The following SORCS1 variants were observed in gnomAD, a reference collection of about 807,000 sequenced individuals.
SORCS1 encodes VPS10 domain-containing receptor SorCS1.
Under a neutral mutation model 146.1 loss-of-function variants are expected in SORCS1, and 60 were observed. The observed-to-expected ratio is 0.41, with a 90% CI of 0.33 to 0.51. SORCS1 has a LOEUF of 0.51. Ranked by LOEUF, SORCS1 falls within the 20% of genes least tolerant of loss-of-function variation. SORCS1 has a pLI of 0.21. For synonymous variants in SORCS1, 637 were observed against 584.0 expected (o/e 1.09, Z -1.31); for missense variants, 1,352 against 1,487.6 (o/e 0.91, Z 1.50).
At chr10:106,583,554 T>A (rs1442501102) in intron 24 of SORCS1, among the ~76,000 whole-genome samples, 1 of 152,156 alleles carries the variant, frequency 6.6e-6, no homozygotes, top group Non-Finnish European at 1.5e-5. Flanking sequence ...TCACCCAGAC[T>A]GGAGTACAGT....
chr10:106,675,036 C>G lies in SORCS1; in HGVS notation c.1940+13G>C, dbSNP rs1014490560. The G allele has an allele frequency of 6.3e-7, 1 of 1,598,774 alleles. No individual in the cohort carries two copies. The highest frequency in any genetic ancestry group is 8.6e-7 in the Non-Finnish European group (1 of 1,166,964). On this transcript the variant is annotated intron_variant, in intron 14 of 25. Coordinates refer to ENST00000263054, the MANE Select transcript of SORCS1 (RefSeq NM_052918.5). ...TCTATGAAGGCTGGACCACATCATA[C>G]TTTTCAACTTACGTCATGATGAGAG...
At chr10:106,713,934 C>T (rs1056833272) in intron 6 of SORCS1, among the ~76,000 whole-genome samples, 2 of 151,766 alleles carry the variant, frequency 1.3e-5, no homozygotes, top group South Asian at 4.2e-4. Context: ...AAATGCAGGA[C>T]CAGCCTGACC....
intron 5 of SORCS1, among the ~76,000 whole-genome samples, chr10:106,737,147 C>A (rs1857010359): frequency 6.6e-6 from 1 of 151,902 alleles, no homozygotes; most frequent in Non-Finnish European, 1.5e-5. Flanking sequence ...CTCAGGAGAG[C>A]AGTGAGGAGA....
chr10:106,722,615 A>G (rs1436872880), intron 6 of SORCS1, among the ~76,000 whole-genome samples: 1 of 152,150 alleles, frequency 6.6e-6, no homozygotes, highest in Non-Finnish European at 1.5e-5. Flanking sequence ...ACTTGTTATG[A>G]GGTTACTTAT....
intron 1 of SORCS1, among the ~76,000 whole-genome samples, chr10:107,142,783 T>C (rs1967954091): frequency 6.6e-6 from 1 of 152,164 alleles, no homozygotes; most frequent in South Asian, 2.1e-4. Flanking sequence ...AGATAAGGCC[T>C]TGGTTATTGT....
intron 18 of SORCS1, among the ~76,000 whole-genome samples, chr10:106,644,367 T>C (rs901283731): frequency 6.6e-6 from 1 of 151,842 alleles, no homozygotes; most frequent in Admixed American, 6.6e-5. Flanking sequence ...ATAATAATAA[T>C]AATTATTATT....
intron 10 of SORCS1, among the ~76,000 whole-genome samples, chr10:106,683,313 T>G (rs1260359665): frequency 1.3e-5 from 2 of 152,234 alleles, no homozygotes; most frequent in African/African-American, 2.4e-5. Context: ...TGAAACATTG[T>G]ACCCTTTGAC....
chr10:106,614,393 C>T (rs568280332), intron 21 of SORCS1, among the ~76,000 whole-genome samples: 104 of 152,270 alleles, frequency 6.8e-4, no homozygotes, highest in African/African-American at 2.2e-3. Context: ...ACACATGTTT[C>T]GAAGACTCTG....
intron 19 of SORCS1, among the ~76,000 whole-genome samples, chr10:106,620,896 GTTGT>G: frequency 6.6e-6 from 1 of 152,188 alleles, no homozygotes; most frequent in South Asian, 2.1e-4. Context: ...TTTCCAAGAG[GTTGT>G]ATCCCTGGTG....
At chr10:107,147,777 A>G (rs1968456002) in intron 1 of SORCS1, among the ~76,000 whole-genome samples, 1 of 152,190 alleles carries the variant, frequency 6.6e-6, no homozygotes, top group Non-Finnish European at 1.5e-5. Context: ...ACTGGCATAT[A>G]AAAATAAATG....
intron 17 of SORCS1, among the ~76,000 whole-genome samples, chr10:106,655,686 A>C (rs1446908537): frequency 6.6e-6 from 1 of 151,964 alleles, no homozygotes; most frequent in Non-Finnish European, 1.5e-5. Context: ...CTCATTAAAA[A>C]CCATTCTGAA....
chr10:106,824,745 T>A (rs1948214799), intron 3 of SORCS1, among the ~76,000 whole-genome samples: 1 of 152,090 alleles, frequency 6.6e-6, no homozygotes, highest in Non-Finnish European at 1.5e-5. Flanking sequence ...AACTTAAACA[T>A]CTGGAGAAAA....
At chr10:106,839,809 G>A (rs1948945771) in intron 2 of SORCS1, among the ~76,000 whole-genome samples, 1 of 152,100 alleles carries the variant, frequency 6.6e-6, no homozygotes, top group African/African-American at 2.4e-5. Flanking sequence ...TGAAAATCCT[G>A]GAGTCCATAA....
At chr10:107,010,052 G>C (rs184049284) in intron 1 of SORCS1, among the ~76,000 whole-genome samples, 4 of 152,274 alleles carry the variant, frequency 2.6e-5, no homozygotes, top group Admixed American at 1.3e-4. Flanking sequence ...TATAGTCTCA[G>C]TTCTGAAAAA....
chr10:106,809,550 C>T (rs1947357726), intron 3 of SORCS1, among the ~76,000 whole-genome samples: 1 of 152,142 alleles, frequency 6.6e-6, no homozygotes, highest in Non-Finnish European at 1.5e-5. Context: ...GCTTTGGCAG[C>T]ACTGGGCAGA....
chr10:107,112,510 A>T (rs1434137542), intron 1 of SORCS1, among the ~76,000 whole-genome samples: 1 of 152,078 alleles, frequency 6.6e-6, no homozygotes, highest in Admixed American at 6.6e-5. Context: ...GTAGACAATT[A>T]AAAAAATGTC....
chr10:106,949,305 A>G (rs1954545141), intron 2 of SORCS1, among the ~76,000 whole-genome samples: 1 of 152,172 alleles, frequency 6.6e-6, no homozygotes, highest in Non-Finnish European at 1.5e-5. Flanking sequence ...TGGATTTGGT[A>G]GCAAAACATC....
At chr10:106,798,899 C>G (rs974634611) in intron 3 of SORCS1, among the ~76,000 whole-genome samples, 9 of 152,112 alleles carry the variant, frequency 5.9e-5, no homozygotes, top group African/African-American at 2.2e-4. Flanking sequence ...CATATGGAAC[C>G]ATAAAAGAGC....
chr10:107,108,470 C>T (rs1965454919), intron 1 of SORCS1, among the ~76,000 whole-genome samples: 1 of 152,080 alleles, frequency 6.6e-6, no homozygotes, highest in South Asian at 2.1e-4. Flanking sequence ...GTGCCACACA[C>T]TTTTAAATGA....
Sources: allele counts gnomAD v4.1 joint callset (sites outside exome capture counted in the v4.1 genomes callset), GRCh38; gene constraint gnomAD v4.1.1; transcripts MANE v1.5; gene names NCBI Gene and HGNC (gene_info 2026-07-23, HGNC 2026-07-21).